Variants in TDRD1 observed in about 807,000 individuals in gnomAD.
TDRD1 encodes tudor domain-containing protein 1.
Under a neutral mutation model 140.6 loss-of-function variants are expected in TDRD1, and 37 were observed. The ratio of observed to expected loss-of-function variants is 0.26; its 90% CI spans 0.20 to 0.35. The LOEUF (loss-of-function observed/expected upper bound fraction) is 0.35, where lower values mean the gene tolerates loss of function less well. Ranked by LOEUF, TDRD1 falls within the 10% of genes least tolerant of loss-of-function variation. The probability of loss-of-function intolerance (pLI) is 1.00; values close to 1 mark genes in which losing one functional copy is unlikely to be tolerated. For missense variants in TDRD1, 1,243 were observed against 1,393.0 expected (o/e 0.89, Z 1.71); for synonymous variants, 506 against 475.7 (o/e 1.06, Z -0.83).
exon 2 of TDRD1, chr10:114,188,004 C>T (rs148502124): frequency 3.1e-6 from 5 of 1,613,936 alleles, no homozygotes; most frequent in Non-Finnish European, 4.2e-6. Flanking sequence ...CTGAAAAGCT[C>T]AGAGAATGGA....
chr10:114,197,468 T>G (rs948653174), intron 3 of TDRD1, among the ~76,000 whole-genome samples: 1 of 152,190 alleles, frequency 6.6e-6, no homozygotes, highest in Non-Finnish European at 1.5e-5. Context: ...TTCAAGCCTA[T>G]TCATAATTGC....
chr10:114,199,221 T>C, exon 4 of TDRD1: 2 of 1,614,018 alleles, frequency 1.2e-6, no homozygotes, highest in Non-Finnish European at 1.7e-6. Context: ...ACTAAACAAG[T>C]TGGTCGAGAA....
chr10:114,207,850 G>A (rs962589720), intron 11 of TDRD1, among the ~76,000 whole-genome samples: 6 of 151,930 alleles, frequency 3.9e-5, no homozygotes, highest in South Asian at 2.1e-4. Context: ...TATCTTCTTC[G>A]CTAAGGCACT....
At chr10:114,178,475 G>A (rs1041425660), upstream of TDRD1, among the ~76,000 whole-genome samples, 7 of 152,144 alleles carry the variant, frequency 4.6e-5, no homozygotes, top group African/African-American at 1.4e-4. Flanking sequence ...AATCTTGTCC[G>A]TTAGGTACAG....
intron 2 of TDRD1, among the ~76,000 whole-genome samples, chr10:114,190,281 A>T (rs1054270136): frequency 9.9e-5 from 15 of 152,224 alleles, no homozygotes; most frequent in African/African-American, 3.6e-4. Flanking sequence ...TTTTAAATGG[A>T]TGTTTAAATT....
chr10:114,194,948 T>C (rs1404881265), intron 3 of TDRD1, among the ~76,000 whole-genome samples: 4 of 149,766 alleles, frequency 2.7e-5, no homozygotes, highest in Admixed American at 6.7e-5. Flanking sequence ...TCTGTAGATA[T>C]GGGGGTCTTA....
In TDRD1 at chr10:114,212,048, T is replaced by G; in HGVS notation, c.1831+12T>G. 7.5e-6 allele frequency: 12 copies of G among 1,590,532 alleles called. No homozygotes were observed. The highest frequency in any genetic ancestry group is 1.0e-5 in the Non-Finnish European group (12 of 1,173,840). ...GTGTGTACTAGCAGGTATGAAATTT[T>G]TATAGCCTCCATATTCTTTAAAAAT... is the stretch of plus-strand genomic sequence containing the variant. On this transcript the variant is annotated intron_variant, in intron 14 of 25. Coordinates refer to ENST00000251864, the Ensembl canonical transcript of TDRD1.
At position 114,194,651 on chromosome 10, in the gene TDRD1, A is replaced by G. The variant is rs148953702; in HGVS notation, c.384+3632A>G. Among the ~76,000 whole-genome samples the G allele has an allele frequency of 4.8e-3, 710 of 148,996 alleles. 9 individuals carry two copies. Among genetic ancestry groups the G allele is most frequent in the Non-Finnish European group, 6.1e-3 (411 of 66,936 alleles). On this transcript the variant is annotated intron_variant, in intron 3 of 25. Coordinates refer to ENST00000251864, the Ensembl canonical transcript of TDRD1. ...CATTTTTTTTCCTGTTTTTTAAATTAATTGATTTCTTCTTTTATCTTTATT... is the reference window on the plus strand; with the variant it reads ...CATTTTTTTTCCTGTTTTTTAAATTGATTGATTTCTTCTTTTATCTTTATT...
chr10:114,228,118 G>A (rs1343330530), exon 25 of TDRD1: 41 of 1,587,652 alleles, frequency 2.6e-5, no homozygotes, highest in Non-Finnish European at 3.2e-5. Flanking sequence ...TGAAAAAACT[G>A]TTAAAAAGTT....
At chr10:114,195,670 A>G (rs1315224865) in intron 3 of TDRD1, among the ~76,000 whole-genome samples, 1 of 152,122 alleles carries the variant, frequency 6.6e-6, no homozygotes, top group African/African-American at 2.4e-5. Flanking sequence ...CGGTCTCTCT[A>G]TATTGTTATA....
rs1432288078 is a variant in TDRD1, at chr10:114,227,166, A to G, written c.3270A>G (p.Gly1090=). 1.3e-5 allele frequency: 21 copies of G among 1,608,360 alleles called. 1 individual carries two copies. The South Asian group carries it at 1.9e-4, about 14-fold the overall frequency. ...AGAATGTAATGCTTTCTGTGAAAGG[A>G]ATTACAAAGAATGTCCATACAGTGT... The change falls in exon 23 of 26, where the codon GGA becomes GGG. Residue 1090 remains glycine (G), a synonymous_variant. Coordinates refer to ENST00000251864, the Ensembl canonical transcript of TDRD1.
At chr10:114,177,795 A>G (rs1304379611), upstream of TDRD1, among the ~76,000 whole-genome samples, 1 of 151,846 alleles carries the variant, frequency 6.6e-6, no homozygotes, top group Non-Finnish European at 1.5e-5. Flanking sequence ...GGCTTCTGTC[A>G]GAACTCTGTA....
intron 3 of TDRD1, among the ~76,000 whole-genome samples, chr10:114,195,738 G>A (rs796633693): frequency 3.3e-5 from 5 of 152,166 alleles, no homozygotes; most frequent in African/African-American, 1.2e-4. Context: ...TAATTCACTA[G>A]GGCAGTGTCT....
intron 21 of TDRD1, among the ~76,000 whole-genome samples, chr10:114,224,286 G>T (rs2036310350): frequency 6.6e-6 from 1 of 152,182 alleles, no homozygotes; most frequent in Non-Finnish European, 1.5e-5. Context: ...CTGGTCAAAA[G>T]ATTAATGTTA....
intron 22 of TDRD1, 147 bp downstream of exon 22, chr10:114,226,363 A>G (rs1045173547): frequency 2.7e-5 from 16 of 596,948 alleles, no homozygotes; most frequent in Non-Finnish European, 4.3e-5. Flanking sequence ...AATAAGTTTC[A>G]TATTCTTTAT....
intron 3 of TDRD1, among the ~76,000 whole-genome samples, chr10:114,195,952 C>G (rs1230681781): frequency 6.6e-6 from 1 of 152,132 alleles, no homozygotes; most frequent in African/African-American, 2.4e-5. Context: ...GTATACACAA[C>G]TTAGTTATCA....
chr10:114,208,173 T>C (rs755984470), intron 11 of TDRD1, among the ~76,000 whole-genome samples: 3 of 152,058 alleles, frequency 2.0e-5, no homozygotes, highest in Non-Finnish European at 2.9e-5. Flanking sequence ...AGGTATAGGA[T>C]GGGGAAGTAT....
chr10:114,192,057 T>A (rs2034002811), intron 3 of TDRD1, among the ~76,000 whole-genome samples: 1 of 151,854 alleles, frequency 6.6e-6, no homozygotes, highest in African/African-American at 2.4e-5. Flanking sequence ...TTTTCTAATT[T>A]TTTTTTTTTA....
At chr10:114,204,992 C>A in intron 10 of TDRD1, 99 bp downstream of exon 10, 1 of 1,030,946 alleles carries the variant, frequency 9.7e-7, no homozygotes. Context: ...AGGTAAACTG[C>A]CCTCTGGAGT....
Sources: gnomAD v4.1 joint callset for allele counts (sites outside exome capture counted in the v4.1 genomes callset) on GRCh38, gnomAD v4.1.1 for gene constraint, MANE v1.5 for transcripts, NCBI Gene and HGNC (gene_info 2026-07-23, HGNC 2026-07-21) for gene names.